Variants in FAM135A observed in about 807,000 individuals in gnomAD.
FAM135A encodes the protein protein FAM135A.
FAM135A carries 79 observed loss-of-function variants against 146.8 expected under a neutral mutation model. That is an observed-to-expected ratio of 0.54 (90% confidence interval 0.45 to 0.65). FAM135A has a LOEUF of 0.65. FAM135A is among the 30% of genes least tolerant of loss of function. The probability of loss-of-function intolerance (pLI) is 0.00; values close to 1 mark genes in which losing one functional copy is unlikely to be tolerated. For synonymous variants in FAM135A, 562 were observed against 603.6 expected, an observed-to-expected ratio of 0.93 and a Z score of 1.01; for missense variants, 1,623 against 1,758.2, an observed-to-expected ratio of 0.92 and a Z score of 1.38.
chr6:70,538,312 G>T lies in FAM135A; in HGVS notation c.4139G>T (p.Trp1380Leu). 2 of 1,515,894 alleles carry T rather than the reference G, an allele frequency of 1.3e-6. No homozygotes were observed. The highest frequency in any genetic ancestry group is 1.4e-5 in the South Asian group (1 of 73,136). The allele number at this position is 1,515,894 out of a possible 1,614,324, so 93.9% of individuals were successfully genotyped here. A position where few individuals can be genotyped will look rare whatever the true frequency, so the allele number is the denominator to read the frequency against. The change falls in exon 20 of 22, where the codon TGG (tryptophan) becomes TTG (leucine). Residue 1380 changes from tryptophan (W) to leucine (L), a missense_variant. Trp to Leu is a moderately conservative substitution (Grantham distance 61, BLOSUM62 -2). Around this residue, in one of 7 missense-constraint regions of FAM135A, gnomAD observed 138 missense variants for 174.1 expected, o/e 0.79. Coordinates refer to ENST00000418814, the MANE Select transcript of FAM135A (RefSeq NM_001162529.3). ...VNTGLWFMQK[W>L]KKSGSLLQLT... ...CTAGGTCTCTGGTTTATGCAGAAAT[G>T]GAAAAAATCAGGTTCGCTTTTGCAG...
intron 2 of FAM135A, among the ~76,000 whole-genome samples, chr6:70,426,206 T>C (rs1770105506): frequency 6.6e-6 from 1 of 152,188 alleles, no homozygotes. Flanking sequence ...ACTCTATTTG[T>C]TATTGTACTT....
rs1336904814 is a variant in FAM135A at position 70,506,738 on chromosome 6, C to CT, written c.1029+3960dup. 3.4e-3 allele frequency among the ~76,000 whole-genome samples: 452 copies of CT among 133,022 alleles called. 2 individuals are homozygous for CT. Among genetic ancestry groups the CT allele is most frequent in the Middle Eastern group, 8.1e-3 (2 of 248 alleles). The allele number at this position is 133,022 out of a possible 152,430, so 87.3% of individuals were successfully genotyped here. On this transcript the variant is annotated intron_variant, in intron 12 of 21. Coordinates refer to ENST00000418814, the MANE Select transcript of FAM135A (RefSeq NM_001162529.3). ...CTCTTTTTTTTTTATTTTGTTTTTT[C>CT]TTTTTTTTTTTTTAATTTTTATGTT... is the stretch of plus-strand genomic sequence containing the variant.
chr6:70,546,355 G>C (rs944074991), intron 20 of FAM135A, among the ~76,000 whole-genome samples: 1 of 152,084 alleles, frequency 6.6e-6, no homozygotes, highest in Non-Finnish European at 1.5e-5. Flanking sequence ...AGTTTCTTCT[G>C]AACAGCGAAT....
At position 70,559,899 on chromosome 6, in the gene FAM135A, C is replaced by T; in HGVS notation, c.4526C>T (p.Ala1509Val). Reference sequence around the variant, plus strand: ...TTTTTAGAGAAATTCTTTCTGGTTGCTGCCCTCAAATATTTCCAATAGTAT... The same window carrying T: ...TTTTTAGAGAAATTCTTTCTGGTTGTTGCCCTCAAATATTTCCAATAGTAT... ...EIFLEKFFLV[A>V]ALKYFQ The change falls in exon 22 of 22, where the codon GCT becomes GTT. Residue 1509 changes from alanine (A) to valine (V), a missense_variant. By Grantham distance (64) the Ala-to-Val change is moderately conservative. Coordinates refer to ENST00000418814, the MANE Select transcript of FAM135A (RefSeq NM_001162529.3). 1 of 1,613,364 alleles carries T rather than the reference C, an allele frequency of 6.2e-7. No individual in the cohort carries two copies. Among genetic ancestry groups the T allele is most frequent in the Non-Finnish European group, 8.5e-7 (1 of 1,179,648 alleles).
At chr6:70,531,855 G>C (rs1256012381) in intron 16 of FAM135A, among the ~76,000 whole-genome samples, 2 of 124,474 alleles carry the variant, frequency 1.6e-5, no homozygotes, top group African/African-American at 5.7e-5. Context: ...TTAGCAGAAT[G>C]TTGTTTGATA....
intron 1 of FAM135A, among the ~76,000 whole-genome samples, chr6:70,414,416 T>G (rs2127654560): frequency 6.6e-6 from 1 of 152,252 alleles, no homozygotes; most frequent in South Asian, 2.1e-4. Context: ...CCCTGCTTCA[T>G]CGCTTTCTGT....
In FAM135A at chr6:70,518,562, A is replaced by C. The variant is rs1582707305; in HGVS notation, c.1030-3951A>C. Among the ~76,000 whole-genome samples the C allele has an allele frequency of 3.9e-5, 6 of 152,320 alleles. No individual in the cohort carries two copies. In the South Asian group the frequency reaches 1.2e-3, roughly 32 times the overall value. The stretch of plus-strand genomic sequence containing the variant: ...AGGACTTTCATAGCTAGAAAAGAGA[A>C]ATCAGTACATGACTTTAAAGGGCAG... On this transcript the variant is annotated intron_variant, in intron 12 of 21. Coordinates refer to ENST00000418814, the MANE Select transcript of FAM135A (RefSeq NM_001162529.3).
chr6:70,543,162 T>C (rs1380279390), intron 20 of FAM135A, among the ~76,000 whole-genome samples: 1 of 152,210 alleles, frequency 6.6e-6, no homozygotes, highest in East Asian at 1.9e-4. Context: ...GTTTAAATAT[T>C]ATATAGTAAG....
chr6:70,494,228 A>G (rs1248127023), intron 11 of FAM135A, among the ~76,000 whole-genome samples: 1 of 152,088 alleles, frequency 6.6e-6, no homozygotes, highest in South Asian at 2.1e-4. Flanking sequence ...AACTTTTTTC[A>G]TCTTTTTTTG....
chr6:70,482,226 G>C (rs1157280642), intron 10 of FAM135A, 72 bp downstream of exon 10: 9 of 1,468,338 alleles, frequency 6.1e-6, no homozygotes, highest in Non-Finnish European at 8.2e-6. Context: ...CTAGCTATCA[G>C]CTTTGCCATA....
At chr6:70,545,058 A>C (rs1297146204) in intron 20 of FAM135A, among the ~76,000 whole-genome samples, 8 of 151,982 alleles carry the variant, frequency 5.3e-5, no homozygotes, top group Admixed American at 5.2e-4. Context: ...TCTCAAAAAA[A>C]AAACAAACAA....
At chr6:70,474,699 G>A (rs116473513) in intron 5 of FAM135A, among the ~76,000 whole-genome samples, 2,867 of 152,168 alleles carry the variant, frequency 0.019, 95 homozygotes, top group African/African-American at 0.065. Context: ...TCCTCCTCTC[G>A]AACATCCAGT....
intron 4 of FAM135A, among the ~76,000 whole-genome samples, chr6:70,440,300 A>G (rs1774157544): frequency 6.6e-6 from 1 of 152,156 alleles, no homozygotes; most frequent in Non-Finnish European, 1.5e-5. Context: ...ATATCAACCT[A>G]ATGGACCCAT....
intron 5 of FAM135A, among the ~76,000 whole-genome samples, chr6:70,453,092 T>C (rs1777494267): frequency 6.6e-6 from 1 of 152,176 alleles, no homozygotes. Flanking sequence ...TTAAAGGGGT[T>C]AAGTTAAAAC....
intron 12 of FAM135A, among the ~76,000 whole-genome samples, chr6:70,519,721 T>C (rs1793115805): frequency 6.6e-6 from 1 of 152,072 alleles, no homozygotes; most frequent in Non-Finnish European, 1.5e-5. Context: ...AAAAAAGGTA[T>C]AATGCTATTG....
chr6:70,506,189 C>A (rs975085788), intron 12 of FAM135A, among the ~76,000 whole-genome samples: 2 of 152,096 alleles, frequency 1.3e-5, no homozygotes, highest in Non-Finnish European at 2.9e-5. Context: ...ATTAAAGGAT[C>A]TCACTGACAT....
At chr6:70,543,673 A>C (rs1185599863) in intron 20 of FAM135A, among the ~76,000 whole-genome samples, 1 of 152,236 alleles carries the variant, frequency 6.6e-6, no homozygotes, top group Non-Finnish European at 1.5e-5. Context: ...TATGGAGTTC[A>C]TACCCTTTGC....
rs971748724 is a variant in FAM135A at position 70,526,770 on chromosome 6, C to T, written c.3614+72C>T. The T allele has an allele frequency of 7.5e-4, 340 of 452,912 alleles. No homozygotes were observed. In the African/African-American group the frequency reaches 8.3e-3, roughly 11 times the overall value. The allele number at this position is 452,912 out of a possible 1,614,324, so 28.1% of individuals were successfully genotyped here. On this transcript the variant is annotated intron_variant, in intron 15 of 21. Transcript: ENST00000418814. ...ATATATACACACACACACACATACA[C>T]ACACACACACACACACACACACACA...
intron 2 of FAM135A, among the ~76,000 whole-genome samples, chr6:70,425,486 G>A (rs1582002402): frequency 6.6e-6 from 1 of 152,158 alleles, no homozygotes; most frequent in Admixed American, 6.5e-5. Flanking sequence ...GTTTAAAATA[G>A]CAGTTATGGG....
Sources: allele counts gnomAD v4.1 joint callset (sites outside exome capture counted in the v4.1 genomes callset), GRCh38; gene constraint gnomAD v4.1.1; regional missense constraint gnomAD v4.1.1; transcripts MANE v1.5; gene names NCBI Gene and HGNC (gene_info 2026-07-23, HGNC 2026-07-21).